GPHN: variants seen among roughly 807,000 people sequenced by gnomAD.
GPHN encodes gephyrin.
Under a neutral mutation model 95.5 loss-of-function variants are expected in GPHN, and 17 were observed. The ratio of observed to expected loss-of-function variants is 0.18; its 90% CI spans 0.12 to 0.27. The LOEUF is 0.27. Ranked by LOEUF, GPHN falls within the 10% of genes least tolerant of loss-of-function variation. The probability of loss-of-function intolerance (pLI) is 1.00; values close to 1 mark genes in which losing one functional copy is unlikely to be tolerated. For synonymous variants in GPHN, 320 were observed against 322.5 expected, an observed-to-expected ratio of 0.99 and a Z score of 0.08; for missense variants, 660 against 978.1, an observed-to-expected ratio of 0.67 and a Z score of 4.34.
At chr14:67,093,784 A>G (rs2077233390) in intron 12 of GPHN, among the ~76,000 whole-genome samples, 1 of 152,096 alleles carries the variant, frequency 6.6e-6, no homozygotes, top group Non-Finnish European at 1.5e-5. Context: ...CTAATGTAAT[A>G]CTTGAGTGTA....
At chr14:66,798,539 A>G (rs2060235415) in intron 3 of GPHN, among the ~76,000 whole-genome samples, 1 of 151,890 alleles carries the variant, frequency 6.6e-6, no homozygotes, top group East Asian at 1.9e-4. Context: ...CAACCATGTT[A>G]GGTTATACAT....
At position 66,960,714 on chromosome 14, in the gene GPHN, A is replaced by G. The variant is rs142836201; in HGVS notation, c.829-4477A>G. 9.2e-5 allele frequency among the ~76,000 whole-genome samples: 14 copies of G among 152,230 alleles called. 1 individual carries two copies. The East Asian group carries it at 2.7e-3, about 29-fold the overall frequency. ...AATTTACAGCTCTTCATTAGTTTTC[A>G]CTTCCTGCTGGTATAGAGTCTCAAA... On this transcript the variant is annotated intron_variant, in intron 8 of 22. Transcript: ENST00000478722.
the GPHN span, among the ~76,000 whole-genome samples, chr14:67,193,843 G>T: frequency 7.4e-4 from 111 of 149,146 alleles, no homozygotes; most frequent in Admixed American, 2.3e-3. Flanking sequence ...TATTCAGGAG[G>T]CTGAGGTGAG....
At chr14:67,569,536 A>G in the GPHN span, among the ~76,000 whole-genome samples, 8 of 152,332 alleles carry the variant, frequency 5.3e-5, no homozygotes, top group Admixed American at 2.6e-4. Flanking sequence ...AGGAGCCACA[A>G]GTGTCCTGAT....
At chr14:67,199,656 A>T in the GPHN span, 39 of 1,578,038 alleles carry the variant, frequency 2.5e-5, no homozygotes, top group Non-Finnish European at 3.2e-5. Context: ...GCAGCTCAGA[A>T]CCCGCTCTCC....
the GPHN span, among the ~76,000 whole-genome samples, chr14:67,609,799 G>A: frequency 1.3e-5 from 2 of 152,216 alleles, no homozygotes; most frequent in Admixed American, 6.5e-5. Flanking sequence ...AGAAGGGGAA[G>A]GGGGTGGGGA....
chr14:67,675,230 C>T, the GPHN span, among the ~76,000 whole-genome samples: 2 of 152,150 alleles, frequency 1.3e-5, no homozygotes, highest in Non-Finnish European at 2.9e-5. Context: ...GGAACCCGGC[C>T]GGGCGAGTGG....
the GPHN span, among the ~76,000 whole-genome samples, chr14:67,298,815 T>G: frequency 1.3e-5 from 2 of 152,334 alleles, no homozygotes; most frequent in African/African-American, 4.8e-5. Flanking sequence ...CACGGCCCTT[T>G]GCGATGACAA....
At chr14:66,970,215 T>A (rs893073486) in intron 9 of GPHN, among the ~76,000 whole-genome samples, 1 of 152,022 alleles carries the variant, frequency 6.6e-6, no homozygotes. Context: ...ATATGAGGGA[T>A]ATATACCTTT....
chr14:67,066,431 T>A (rs1567283569), intron 11 of GPHN, among the ~76,000 whole-genome samples: 3 of 152,178 alleles, frequency 2.0e-5, no homozygotes, highest in Admixed American at 1.3e-4. Flanking sequence ...TCGAGGAGTA[T>A]CTTTGTGGTG....
At chr14:67,328,835 G>T in the GPHN span, among the ~76,000 whole-genome samples, 1 of 152,098 alleles carries the variant, frequency 6.6e-6, no homozygotes. Context: ...CCATTGGTCT[G>T]TATCTCTGTT....
intron 10 of GPHN, among the ~76,000 whole-genome samples, chr14:67,042,809 A>AT (rs1567245669): frequency 1.3e-5 from 2 of 152,200 alleles, no homozygotes; most frequent in Non-Finnish European, 2.9e-5. Context: ...GAATCTATAA[A>AT]TTACTTTGGG....
chr14:66,785,310 G>A (rs890396441), intron 3 of GPHN, among the ~76,000 whole-genome samples: 4 of 152,080 alleles, frequency 2.6e-5, no homozygotes, highest in African/African-American at 9.7e-5. Flanking sequence ...AGGTTGCAGT[G>A]AGCCAAGATC....
At chr14:66,929,703 CT>C (rs748817797) in intron 8 of GPHN, among the ~76,000 whole-genome samples, 88 of 142,976 alleles carry the variant, frequency 6.2e-4, no homozygotes, top group Middle Eastern at 3.7e-3. Flanking sequence ...TCTGTGTGTG[CT>C]TTTTTTTTTT....
intron 10 of GPHN, among the ~76,000 whole-genome samples, chr14:67,024,362 G>A (rs2073817548): frequency 1.3e-5 from 2 of 152,136 alleles, no homozygotes; most frequent in African/African-American, 4.8e-5. Context: ...AATGCTAATG[G>A]TTTTATTATT....
chr14:66,983,238 C>CG (rs1287341746), intron 9 of GPHN, among the ~76,000 whole-genome samples: 1 of 151,916 alleles, frequency 6.6e-6, no homozygotes, highest in East Asian at 1.9e-4. Context: ...GATGACAGAG[C>CG]CAGACTCCAT....
chr14:66,730,443 A>G (rs1047344337), intron 2 of GPHN, among the ~76,000 whole-genome samples: 1 of 152,196 alleles, frequency 6.6e-6, no homozygotes, highest in Non-Finnish European at 1.5e-5. Flanking sequence ...AATAGGGAAA[A>G]TCCAGTATCT....
chr14:67,301,338 A>G, the GPHN span: 1 of 1,233,074 alleles, frequency 8.1e-7, no homozygotes, highest in Non-Finnish European at 1.2e-6. Context: ...TACAGGTGCT[A>G]CTGATACTTC....
chr14:66,548,172 A>G (rs1251325942), intron 1 of GPHN, among the ~76,000 whole-genome samples: 1 of 131,546 alleles, frequency 7.6e-6, no homozygotes, highest in African/African-American at 2.9e-5. Flanking sequence ...TGATGTTACT[A>G]TTGTAATTTT....
Sources: allele counts gnomAD v4.1 joint callset (sites outside exome capture counted in the v4.1 genomes callset), GRCh38; gene constraint gnomAD v4.1.1; transcripts MANE v1.5; gene names NCBI Gene and HGNC (gene_info 2026-07-23, HGNC 2026-07-21).